ALDH3B1: variants seen among roughly 807,000 people sequenced by gnomAD.
ALDH3B1 encodes aldehyde dehydrogenase 3 family member B1.
In ALDH3B1, 37 loss-of-function variants were observed where a neutral mutation model predicts 46.2. The ratio of observed to expected loss-of-function variants is 0.80; its 90% CI spans 0.62 to 1.05. ALDH3B1 has a LOEUF of 1.05. ALDH3B1 is among the 50% of genes least tolerant of loss of function. The pLI, the probability that ALDH3B1 is intolerant of heterozygous loss-of-function variation, is 0.00. For synonymous variants in ALDH3B1, 283 were observed against 281.0 expected (o/e 1.01, Z -0.07); for missense variants, 603 against 665.5 (o/e 0.91, Z 1.03).
chr11:68,012,544 C>T (rs1857255701), intron 1 of ALDH3B1, among the ~76,000 whole-genome samples: 1 of 152,230 alleles, frequency 6.6e-6, no homozygotes, highest in Non-Finnish European at 1.5e-5. Flanking sequence ...AGCCCCTGGA[C>T]CTCAGTGGCT....
At chr11:68,012,219 G>T (rs575366330) in intron 1 of ALDH3B1, among the ~76,000 whole-genome samples, 103 of 152,204 alleles carry the variant, frequency 6.8e-4, no homozygotes, top group African/African-American at 2.4e-3. Context: ...GCAGCGGCTC[G>T]GCCAGCCATT....
chr11:68,021,405 G>A lies in ALDH3B1; in HGVS notation c.563-80G>A. 1.9e-6 allele frequency: 3 copies of A among 1,541,594 alleles called. No individual in the cohort carries two copies. The South Asian group carries it at 3.7e-5, about 19-fold the overall frequency. The stretch of plus-strand genomic sequence containing the variant: ...CCCGCTGACTCCACCACCTCTCCAG[G>A]GAGGAGCGGGGCCGTGGGCTGGGCC... On this transcript the variant is annotated intron_variant, in intron 6 of 9. Transcript: ENST00000342456.
chr11:68,020,966 G>A (rs899793986), intron 6 of ALDH3B1, among the ~76,000 whole-genome samples: 10 of 152,188 alleles, frequency 6.6e-5, no homozygotes, highest in Admixed American at 6.5e-4. Context: ...CAGGACATGG[G>A]GACGCCTGCA....
intron 6 of ALDH3B1, among the ~76,000 whole-genome samples, chr11:68,021,252 C>T (rs1014033801): frequency 3.9e-5 from 6 of 152,120 alleles, no homozygotes; most frequent in African/African-American, 1.2e-4. Context: ...CCCTGGGGGC[C>T]GATAGCAGCC....
intron 8 of ALDH3B1, 132 bp downstream of exon 8, chr11:68,022,893 C>A: frequency 2.2e-6 from 3 of 1,341,720 alleles, no homozygotes; most frequent in South Asian, 1.4e-5. Context: ...CTGTCTCTGC[C>A]CACTCTCCTG....
chr11:68,009,556 G>A (rs308333), upstream of ALDH3B1, among the ~76,000 whole-genome samples: 7,560 of 152,320 alleles, frequency 0.05, 546 homozygotes, highest in African/African-American at 0.15. Context: ...AGGGGTCCAC[G>A]TGAAAGGGTC....
At chr11:68,017,027 C>G (rs1373590717) in intron 2 of ALDH3B1, 2 of 152,520 alleles carry the variant, frequency 1.3e-5, no homozygotes, top group Admixed American at 1.3e-4. Flanking sequence ...CACGTGCACC[C>G]TCTCAGTTAA....
chr11:68,021,914 C>A, intron 7 of ALDH3B1, 43 bp downstream of exon 7: 1 of 1,549,550 alleles, frequency 6.5e-7, no homozygotes, highest in Non-Finnish European at 8.7e-7. Flanking sequence ...GGGCCAAGAC[C>A]CCTCCTCACT....
In ALDH3B1 at chr11:68,021,677, G is replaced by A; in HGVS notation, c.755G>A (p.Cys252Tyr). Reference sequence around the variant, plus strand: ...TGCGTGGCCCCCGACTACGTCCTATGCAGCCCTGAGATGCAGGAGAGGCTG... The same window carrying A: ...TGCGTGGCCCCCGACTACGTCCTATACAGCCCTGAGATGCAGGAGAGGCTG... The part of the protein sequence containing the change: ...QTCVAPDYVL[C>Y]SPEMQERLLP... The change falls in exon 7 of 10, where the codon TGC (cysteine) becomes TAC (tyrosine). Residue 252 changes from cysteine (C) to tyrosine (Y), a missense_variant. Cys to Tyr is a radical substitution (Grantham distance 194). Transcript: ENST00000342456. 2 of 1,613,976 alleles carry A rather than the reference G, an allele frequency of 1.2e-6. No homozygotes were observed. Among genetic ancestry groups the A allele is most frequent in the Non-Finnish European group, 1.7e-6 (2 of 1,179,970 alleles).
chr11:68,010,239 C>G (rs1343835145), upstream of ALDH3B1: 5 of 152,278 alleles, frequency 3.3e-5, no homozygotes, highest in East Asian at 9.6e-4. Context: ...CTTGCAGCCT[C>G]CAGCCCGCCC....
chr11:68,018,973 G>A, intron 4 of ALDH3B1, 80 bp downstream of exon 4: 1 of 1,502,266 alleles, frequency 6.7e-7, no homozygotes, highest in Non-Finnish European at 8.9e-7. Context: ...AGGAGGACAT[G>A]GGAGAACTGG....
intron 6 of ALDH3B1, 36 bp from the exon 7 acceptor site, chr11:68,021,449 C>T: frequency 6.3e-7 from 1 of 1,583,142 alleles, no homozygotes; most frequent in South Asian, 1.2e-5. Flanking sequence ...TGGTCCAGGT[C>T]ACTGAACGGC....
chr11:68,012,939 A>T (rs1394160819), intron 1 of ALDH3B1, among the ~76,000 whole-genome samples: 1 of 152,058 alleles, frequency 6.6e-6, no homozygotes, highest in Admixed American at 6.6e-5. Context: ...GTGGTCCCTC[A>T]GTGGGCGGCC....
intron 1 of ALDH3B1, 87 bp from the exon 2 acceptor site, chr11:68,015,210 G>C (rs1008399119): frequency 3.6e-6 from 5 of 1,394,280 alleles, no homozygotes. Context: ...AGGCAGGTCA[G>C]GGGTGCCCAG....
intron 4 of ALDH3B1, 65 bp from the exon 5 acceptor site, chr11:68,019,105 G>T (rs1245631860): frequency 6.5e-7 from 1 of 1,535,234 alleles, no homozygotes. Context: ...TGCCTGCCCT[G>T]CAGGTGTGTG....
rs561898756 is a variant in ALDH3B1, at chr11:68,019,632, G to A, written c.481-83G>A. On this transcript the variant is annotated intron_variant, in intron 5 of 9. Transcript: ENST00000342456. ...TCAGGCCAGGCGGGGTGGAGGCAGG[G>A]CAGGGTCCAGGCAGGGCGGGCTGCT... 2.9e-4 allele frequency: 433 copies of A among 1,477,800 alleles called. 1 individual carries two copies. The highest frequency in any genetic ancestry group is 6.5e-4 in the Middle Eastern group (3 of 4,608). The allele number at this position is 1,477,800 out of a possible 1,614,324, so 91.5% of individuals were successfully genotyped here. A position where few individuals can be genotyped will look rare whatever the true frequency, so the allele number is the denominator to read the frequency against.
chr11:68,025,936 T>C lies in ALDH3B1; in HGVS notation c.1117-73T>C, dbSNP rs73505244. On this transcript the variant is annotated intron_variant, in intron 8 of 9. Transcript: ENST00000342456. ...AAGATCAGTGTCACAGAGTCCAGCA[T>C]GGAACAGGCTCTGGGTCCTGAGGAT... 5.9e-3 allele frequency: 6,651 copies of C among 1,132,518 alleles called. 290 individuals are homozygous for C. The African/African-American group carries it at 0.095, about 16-fold the overall frequency. 70.2% of individuals were successfully genotyped at this position (1,132,518 alleles called of 1,614,324 possible). A position where few individuals can be genotyped will look rare whatever the true frequency, so the allele number is the denominator to read the frequency against.
chr11:68,015,056 A>C, intron 1 of ALDH3B1: 1 of 404,594 alleles, frequency 2.5e-6, no homozygotes. Flanking sequence ...GGCAGAGGGG[A>C]GTGGTGCGAG....
At position 68,028,417 on chromosome 11, in the gene ALDH3B1, C is replaced by T; in HGVS notation, c.*478C>T. 3.4e-6 allele frequency: 1 copy of T among 290,302 alleles called. No homozygotes were observed. The highest frequency in any genetic ancestry group is 3.1e-5 in the South Asian group (1 of 32,086). The allele number at this position is 290,302 out of a possible 1,614,324, so 18.0% of individuals were successfully genotyped here. On this transcript the variant is annotated 3_prime_UTR_variant, in exon 10 of 10. Coordinates refer to ENST00000342456, the MANE Select transcript of ALDH3B1 (RefSeq NM_000694.4). ...CCTGGCTGGGTGAGGCGGCTCACAC[C>T]TGTAATCCCAGCACTTTGGGAGGCC...
Sources: gnomAD v4.1 joint callset for allele counts (sites outside exome capture counted in the v4.1 genomes callset) on GRCh38, gnomAD v4.1.1 for gene constraint, MANE v1.5 for transcripts, NCBI Gene and HGNC (gene_info 2026-07-23, HGNC 2026-07-21) for gene names.